Variants in PPP1R13B observed in about 807,000 individuals in gnomAD.
The protein encoded by PPP1R13B is apoptosis-stimulating of p53 protein 1.
A neutral mutation model predicts 119.8 loss-of-function variants in PPP1R13B; 44 were observed. That is an observed-to-expected ratio of 0.37 (90% CI 0.29 to 0.47). PPP1R13B has a LOEUF of 0.47. Ranked by LOEUF, PPP1R13B falls within the 20% of genes least tolerant of loss-of-function variation. The pLI is 0.99. For missense variants in PPP1R13B, 1,227 were observed against 1,413.5 expected (o/e 0.87, Z 2.12); for synonymous variants, 542 against 561.5 (o/e 0.97, Z 0.49).
At chr14:103,794,077 T>A (rs774637287) in intron 2 of PPP1R13B, among the ~76,000 whole-genome samples, 44 of 152,098 alleles carry the variant, frequency 2.9e-4, no homozygotes, top group Non-Finnish European at 1.3e-4. Context: ...GAGAGAGTCT[T>A]CAGAATAAAC....
At position 103,765,986 on chromosome 14, in the gene PPP1R13B, T is replaced by TTTTTTATTATTA. The variant is rs141588292; in HGVS notation, c.355-8236_355-8235insTAATAATAAAAA. The stretch of plus-strand genomic sequence containing the variant: ...AAAAACTCTCGGAGGAAATTTTTAT[T>TTTTTTATTATTA]TTATTATTATTATTATTATTATTAT... On this transcript the variant is annotated intron_variant, in intron 4 of 16. Coordinates refer to ENST00000202556, the MANE Select transcript of PPP1R13B (RefSeq NM_015316.3). 1.8e-3 allele frequency among the ~76,000 whole-genome samples: 251 copies of TTTTTTATTATTA among 139,060 alleles called. 4 individuals are homozygous for TTTTTTATTATTA. The East Asian group carries it at 0.019, about 10-fold the overall frequency. The allele number at this position is 139,060 out of a possible 152,430, so 91.2% of individuals were successfully genotyped here. A position where few individuals can be genotyped will look rare whatever the true frequency, so the allele number is the denominator to read the frequency against.
Position 103,797,540 on chromosome 14 carries a change from CT to C in PPP1R13B, c.10-23del, listed in dbSNP as rs139789925. ...TCATCTGTAAGACAAAAGAGTAAAG[CT>C]GTAATTTAGATTCCTTATCACAAAC... On this transcript the variant is annotated intron_variant, in intron 1 of 16. Coordinates refer to ENST00000202556, the MANE Select transcript of PPP1R13B (RefSeq NM_015316.3). 9.1e-4 allele frequency: 1,448 copies of C among 1,598,718 alleles called. 10 individuals carry two copies. The African/African-American group carries it at 0.018, about 20-fold the overall frequency.
chr14:103,821,275 G>A (rs888706168), intron 1 of PPP1R13B, among the ~76,000 whole-genome samples: 4 of 152,118 alleles, frequency 2.6e-5, no homozygotes, highest in Middle Eastern at 3.2e-3. Flanking sequence ...GCAACAGCAC[G>A]ACATACCATA....
chr14:103,834,623 T>A (rs1017120041), intron 1 of PPP1R13B, among the ~76,000 whole-genome samples: 3 of 134,050 alleles, frequency 2.2e-5, no homozygotes, highest in Non-Finnish European at 4.6e-5. Flanking sequence ...CGAGTTTCGC[T>A]CTTGTTGCCC....
At chr14:103,735,598 G>A (rs1472345410) in intron 16 of PPP1R13B, among the ~76,000 whole-genome samples, 2 of 152,184 alleles carry the variant, frequency 1.3e-5, no homozygotes, top group South Asian at 2.1e-4. Flanking sequence ...GAGGACTGAG[G>A]GAATCACAAG....
At chr14:103,844,738 AAAG>A (rs563620776) in intron 1 of PPP1R13B, among the ~76,000 whole-genome samples, 4 of 152,170 alleles carry the variant, frequency 2.6e-5, no homozygotes, top group Non-Finnish European at 5.9e-5. Context: ...AAAAAGAAAA[AAAG>A]AAAAAAGTTA....
At position 103,741,847 on chromosome 14, in the gene PPP1R13B, G is replaced by A. The variant is rs2084264424; in HGVS notation, c.1765C>T (p.Pro589Ser). Residue 589 changes from proline to serine, a missense_variant, in exon 11 of 17, where the codon CCA (proline) becomes TCA (serine). Physicochemically the swap from Pro to Ser is moderately conservative, Grantham distance 74. Coordinates refer to ENST00000202556, the MANE Select transcript of PPP1R13B (RefSeq NM_015316.3). ...GCTGCCGGCTGGTAATTCTTAGGTG[G>A]TGTGGCTTGCTGGAGGTACATGGAG... The part of the protein sequence containing the change: ...IYSMYLQQAT[P>S]PKNYQPAAHS... 3.1e-6 allele frequency: 5 copies of A among 1,614,128 alleles called. No individual in the cohort carries two copies. Among genetic ancestry groups the A allele is most frequent in the African/African-American group, 1.3e-5 (1 of 74,940 alleles).
chr14:103,780,809 TAA>T (rs202112499), intron 3 of PPP1R13B, among the ~76,000 whole-genome samples: 27 of 126,182 alleles, frequency 2.1e-4, no homozygotes, highest in Admixed American at 2.5e-4. Flanking sequence ...ACTCTGTCTC[TAA>T]AAAAAAAAAA....
Position 103,737,721 on chromosome 14 carries a change from A to G in PPP1R13B, c.3004T>C (p.Tyr1002His). Residue 1002 changes from tyrosine to histidine, a missense_variant, in exon 15 of 17, where the codon TAC becomes CAC. Tyr to His is a moderately conservative substitution (Grantham distance 83, BLOSUM62 2). Coordinates refer to ENST00000202556, the MANE Select transcript of PPP1R13B (RefSeq NM_015316.3). ...ADKCEEMEEGYIQCSQFLYGV... is the reference protein window; with the variant it reads ...ADKCEEMEEGHIQCSQFLYGV... ...TATAGAAACTGGGAGCACTGGATGTAGCCTTCCTCCATCTCCTCACACTTG... is the reference window on the plus strand; with the variant it reads ...TATAGAAACTGGGAGCACTGGATGTGGCCTTCCTCCATCTCCTCACACTTG... The G allele has an allele frequency of 6.2e-7, 1 of 1,614,196 alleles. No homozygotes were observed. The highest frequency in any genetic ancestry group is 8.5e-7 in the Non-Finnish European group (1 of 1,180,018).
rs2084026700 is a variant in PPP1R13B, at chr14:103,734,142, G to GGC, written c.*1010_*1011dup. ...TTGAGGCTGGGCCTGGGACAAAGGT[G>GGC]GCCTCACAGCCAGCCCAGGCAGGGA... On this transcript the variant is annotated 3_prime_UTR_variant, in exon 17 of 17. Transcript: ENST00000202556. 4.5e-6 allele frequency: 1 copy of GGC among 223,702 alleles called. No homozygotes were observed. The highest frequency in any genetic ancestry group is 2.2e-5 in the African/African-American group (1 of 45,172). The allele number at this position is 223,702 out of a possible 1,614,324, so 13.9% of individuals were successfully genotyped here.
chr14:103,780,015 G>A (rs1311860823), intron 3 of PPP1R13B, among the ~76,000 whole-genome samples: 1 of 151,974 alleles, frequency 6.6e-6, no homozygotes. Flanking sequence ...CAGGCGTGGT[G>A]GTGCACACCT....
intron 1 of PPP1R13B, among the ~76,000 whole-genome samples, chr14:103,799,661 T>C (rs1449435371): frequency 6.6e-6 from 1 of 151,810 alleles, no homozygotes; most frequent in Non-Finnish European, 1.5e-5. Flanking sequence ...CACTTTGATC[T>C]AGCATCTTAA....
Position 103,810,645 on chromosome 14 carries a change from G to A in PPP1R13B, c.10-13127C>T, listed in dbSNP as rs529335210. 9.2e-4 allele frequency among the ~76,000 whole-genome samples: 140 copies of A among 152,024 alleles called. 3 individuals carry two copies. In the East Asian group the frequency reaches 0.021, roughly 23 times the overall value. ...ACATTAGCTGGGCGTGGTGGTGGGC[G>A]CCTGTAGTCCCAGCTACTCGGGAGG... On this transcript the variant is annotated intron_variant, in intron 1 of 16. Coordinates refer to ENST00000202556, the MANE Select transcript of PPP1R13B (RefSeq NM_015316.3).
chr14:103,778,040 C>T (rs1436080859), intron 4 of PPP1R13B, among the ~76,000 whole-genome samples: 1 of 151,872 alleles, frequency 6.6e-6, no homozygotes, highest in Non-Finnish European at 1.5e-5. Context: ...CAACCTCTGC[C>T]TCCTGGGTTC....
At chr14:103,758,361 T>C (rs1299118352) in intron 4 of PPP1R13B, among the ~76,000 whole-genome samples, 1 of 152,190 alleles carries the variant, frequency 6.6e-6, no homozygotes, top group African/African-American at 2.4e-5. Flanking sequence ...ACACTTTACA[T>C]ATATGACCCA....
chr14:103,786,766 CAA>C (rs1174732049), intron 2 of PPP1R13B, among the ~76,000 whole-genome samples: 1 of 44,600 alleles, frequency 2.2e-5, no homozygotes, highest in Non-Finnish European at 3.8e-5. Flanking sequence ...AACTCTGTCT[CAA>C]AAAAAAAAAA....
chr14:103,737,808 G>A lies in PPP1R13B; in HGVS notation c.2917C>T (p.Leu973=). Residue 973 remains leucine (L), a synonymous_variant, in exon 15 of 17, where the codon CTG becomes TTG. Transcript: ENST00000202556. ...SCNSVHLCKQ[L]VESGAAIFAS... is the part of the protein sequence containing the mutation. ...AAAATGGCGGCACCACTCTCCACCA[G>A]CTGTTTGCAGAGGTGAACGCTGTTA... 1 of 1,614,226 alleles carries A rather than the reference G, an allele frequency of 6.2e-7. No individual in the cohort carries two copies. The highest frequency in any genetic ancestry group is 1.7e-5 in the Admixed American group (1 of 60,026).
intron 1 of PPP1R13B, among the ~76,000 whole-genome samples, chr14:103,822,639 C>T (rs960084922): frequency 6.6e-6 from 1 of 151,426 alleles, no homozygotes. Flanking sequence ...TGGTGAAACC[C>T]CATTTCTACT....
intron 4 of PPP1R13B, among the ~76,000 whole-genome samples, chr14:103,758,745 G>A (rs1385583708): frequency 6.6e-6 from 1 of 152,170 alleles, no homozygotes; most frequent in Non-Finnish European, 1.5e-5. Flanking sequence ...GTTCTGAGCA[G>A]GGAGGCCACA....
Sources: gnomAD v4.1 joint callset for allele counts (sites outside exome capture counted in the v4.1 genomes callset) on GRCh38, gnomAD v4.1.1 for gene constraint, MANE v1.5 for transcripts, NCBI Gene and HGNC (gene_info 2026-07-23, HGNC 2026-07-21) for gene names.